Variants in HIVEP3 observed in about 807,000 individuals in gnomAD.
The protein encoded by HIVEP3 is transcription factor HIVEP3.
In HIVEP3, 49 loss-of-function variants were observed where a neutral mutation model predicts 152.8. The ratio of observed to expected loss-of-function variants is 0.32; its 90% CI spans 0.26 to 0.41. The LOEUF (loss-of-function observed/expected upper bound fraction) is 0.41. Ranked by LOEUF, HIVEP3 falls within the 10% of genes least tolerant of loss-of-function variation. HIVEP3 has a pLI of 1.00. For synonymous variants in HIVEP3, 1,269 were observed against 1,289.0 expected (o/e 0.98, Z 0.33); for missense variants, 2,790 against 3,103.3 (o/e 0.90, Z 2.40).
At chr1:41,733,360 C>A (rs1315172782) in intron 1 of HIVEP3, among the ~76,000 whole-genome samples, 1 of 152,236 alleles carries the variant, frequency 6.6e-6, no homozygotes, top group Non-Finnish European at 1.5e-5. Context: ...GAAAAGCAGA[C>A]AGCTTGACAA....
At chr1:41,562,125 C>T (rs1394282047) in intron 5 of HIVEP3, among the ~76,000 whole-genome samples, 1 of 152,268 alleles carries the variant, frequency 6.6e-6, no homozygotes, top group South Asian at 2.1e-4. Flanking sequence ...ACTATTAGTT[C>T]TCAAAAGGAC....
chr1:41,555,027 A>G (rs1281917385), intron 5 of HIVEP3, among the ~76,000 whole-genome samples: 1 of 152,164 alleles, frequency 6.6e-6, no homozygotes, highest in African/African-American at 2.4e-5. Context: ...CTCTCTTCAG[A>G]GCTGTCAGAC....
intron 3 of HIVEP3, among the ~76,000 whole-genome samples, chr1:41,618,340 C>T (rs1407143509): frequency 6.6e-6 from 1 of 152,244 alleles, no homozygotes; most frequent in Non-Finnish European, 1.5e-5. Context: ...CTTGTTCCTT[C>T]CTGCCTAAGC....
chr1:41,868,885 A>G (rs537064909), intron 1 of HIVEP3, among the ~76,000 whole-genome samples: 1 of 152,358 alleles, frequency 6.6e-6, no homozygotes, highest in South Asian at 2.1e-4. Context: ...AACAAAACAG[A>G]CACCTAAAGC....
chr1:41,672,113 C>T (rs1329245499), intron 2 of HIVEP3, among the ~76,000 whole-genome samples: 1 of 152,174 alleles, frequency 6.6e-6, no homozygotes, highest in Non-Finnish European at 1.5e-5. Context: ...GGAAGACTTC[C>T]AGGTGGGAAG....
chr1:41,580,481 T>C lies in HIVEP3; in HGVS notation c.4317A>G (p.Glu1439=). The C allele has an allele frequency of 1.2e-6, 2 of 1,614,194 alleles. No homozygotes were observed. Among genetic ancestry groups the C allele is most frequent in the Non-Finnish European group, 1.7e-6 (2 of 1,180,040 alleles). Reference sequence around the variant, plus strand: ...TTTGCTGCTGGGTTTCCATGGTAAGTTCAAGGCTGCCAGCTGGTGAAAGGA... The same window carrying C: ...TTTGCTGCTGGGTTTCCATGGTAAGCTCAAGGCTGCCAGCTGGTGAAAGGA... The part of the protein sequence containing the change: ...KRVLSPAGSL[E]LTMETQQQKR... The change falls in exon 4 of 9, where the codon GAA becomes GAG. Residue 1439 remains glutamate (E), a synonymous_variant. Transcript: ENST00000372583.
chr1:41,881,702 A>G (rs1358450913), intron 1 of HIVEP3, among the ~76,000 whole-genome samples: 2 of 152,238 alleles, frequency 1.3e-5, no homozygotes, highest in African/African-American at 4.8e-5. Flanking sequence ...TTTCAGATGT[A>G]GGTACAGCAT....
intron 1 of HIVEP3, among the ~76,000 whole-genome samples, chr1:41,878,942 G>A (rs963913296): frequency 3.0e-5 from 4 of 131,230 alleles, no homozygotes; most frequent in African/African-American, 8.7e-5. Context: ...CAGGGATACC[G>A]CATACTCCAC....
chr1:41,538,937 G>A (rs1426871306), intron 5 of HIVEP3, among the ~76,000 whole-genome samples: 1 of 152,174 alleles, frequency 6.6e-6, no homozygotes, highest in Non-Finnish European at 1.5e-5. Flanking sequence ...ATGGGGCATG[G>A]GGGTGGGGAA....
intron 1 of HIVEP3, among the ~76,000 whole-genome samples, chr1:41,780,610 A>T (rs1472192815): frequency 6.6e-6 from 1 of 152,222 alleles, no homozygotes; most frequent in Non-Finnish European, 1.5e-5. Context: ...AGGATAAGGC[A>T]GGACCTTCCT....
chr1:41,886,071 T>C (rs1051802911), intron 1 of HIVEP3, among the ~76,000 whole-genome samples: 4 of 152,204 alleles, frequency 2.6e-5, no homozygotes, highest in African/African-American at 9.7e-5. Flanking sequence ...AAATGAAATT[T>C]GCAGTAGTAA....
At chr1:41,649,792 G>C (rs1645518802) in intron 2 of HIVEP3, among the ~76,000 whole-genome samples, 2 of 152,124 alleles carry the variant, frequency 1.3e-5, no homozygotes, top group African/African-American at 4.8e-5. Flanking sequence ...CATGAAGACA[G>C]GAAAGAAATA....
chr1:41,982,455 C>T (rs538975344), intron 1 of HIVEP3, among the ~76,000 whole-genome samples: 1 of 152,276 alleles, frequency 6.6e-6, no homozygotes, highest in South Asian at 2.1e-4. Context: ...CAGCAGAAAT[C>T]AACAGGGTTT....
chr1:41,699,343 C>T (rs1646325951), intron 2 of HIVEP3, among the ~76,000 whole-genome samples: 1 of 152,174 alleles, frequency 6.6e-6, no homozygotes, highest in South Asian at 2.1e-4. Flanking sequence ...AGAACCTACT[C>T]ATTCTACACT....
At chr1:41,643,093 C>G (rs1465828602) in intron 2 of HIVEP3, among the ~76,000 whole-genome samples, 1 of 152,188 alleles carries the variant, frequency 6.6e-6, no homozygotes, top group Non-Finnish European at 1.5e-5. Flanking sequence ...GCATCCTTGC[C>G]TCCTCCCTGG....
rs58350937 is a variant in HIVEP3, at chr1:41,601,724, A to G, written c.-521-16406T>C. 5.0e-3 allele frequency among the ~76,000 whole-genome samples: 761 copies of G among 152,222 alleles called. 13 individuals are homozygous for G. Among genetic ancestry groups the G allele is most frequent in the African/African-American group, 0.017 (706 of 41,542 alleles). On this transcript the variant is annotated intron_variant, in intron 3 of 8. Transcript: ENST00000372583. ...CTTCCTTTCTGATTTAAATGTCTTT[A>G]ATTTTTTTTCTTGCCTAATTGCTCT...
At chr1:41,913,304 T>C (rs1007057300) in intron 1 of HIVEP3, among the ~76,000 whole-genome samples, 10 of 152,228 alleles carry the variant, frequency 6.6e-5, no homozygotes, top group African/African-American at 2.4e-4. Context: ...CCACTGAAAA[T>C]GTCAAGCGTC....
At chr1:41,527,388 T>A (rs1355913424) in intron 5 of HIVEP3, among the ~76,000 whole-genome samples, 4 of 93,226 alleles carry the variant, frequency 4.3e-5, no homozygotes, top group African/African-American at 1.3e-4. Context: ...ACACTCGCAC[T>A]CACACTCCAC....
chr1:41,624,058 C>A (rs1011467630), intron 3 of HIVEP3, among the ~76,000 whole-genome samples: 2 of 152,168 alleles, frequency 1.3e-5, no homozygotes, highest in Non-Finnish European at 2.9e-5. Flanking sequence ...GGAGACTTCC[C>A]AAGCCTCAGC....
Sources: gnomAD v4.1 joint callset for allele counts (sites outside exome capture counted in the v4.1 genomes callset) on GRCh38, gnomAD v4.1.1 for gene constraint, MANE v1.5 for transcripts, NCBI Gene and HGNC (gene_info 2026-07-23, HGNC 2026-07-21) for gene names.